Variants in CCZ1B observed in about 807,000 individuals in gnomAD.
CCZ1B encodes the protein CCZ1B vacuolar protein trafficking and biogenesis associated, also known as vacuolar fusion protein CCZ1 homolog B.
A neutral mutation model predicts 58.8 loss-of-function variants in CCZ1B; 25 were observed. That is an observed-to-expected ratio of 0.43 (90% CI 0.31 to 0.59). CCZ1B has a LOEUF of 0.59. Among genes scored for constraint, CCZ1B ranks in the 20% least tolerant of loss-of-function variants. CCZ1B has a pLI of 0.12. For synonymous variants in CCZ1B, 66 were observed against 173.2 expected, an observed-to-expected ratio of 0.38 and a Z score of 4.86; for missense variants, 180 against 501.5, an observed-to-expected ratio of 0.36 and a Z score of 6.12.
At chr7:6,804,115 C>T (rs1222141216) in intron 12 of CCZ1B, among the ~76,000 whole-genome samples, 2 of 151,044 alleles carry the variant, frequency 1.3e-5, no homozygotes, top group Admixed American at 1.3e-4. Flanking sequence ...TTTATAATAA[C>T]TATTTTATAT....
chr7:6,813,366 A>G (rs1782947405), intron 8 of CCZ1B, among the ~76,000 whole-genome samples: 2 of 149,268 alleles, frequency 1.3e-5, no homozygotes. Context: ...CAGGCAGATT[A>G]CTTGAGCCCA....
chr7:6,817,435 T>C (rs985220654), intron 7 of CCZ1B, among the ~76,000 whole-genome samples: 3 of 150,248 alleles, frequency 2.0e-5, no homozygotes, highest in African/African-American at 7.5e-5. Context: ...CCCTTCTCTT[T>C]TTGGTGGAAG....
rs1367661674 is a variant in CCZ1B, at chr7:6,799,395, C to A, written c.1394-116G>T. 2.1e-5 allele frequency: 10 copies of A among 468,258 alleles called. 1 individual carries two copies. Among genetic ancestry groups the A allele is most frequent in the Middle Eastern group, 5.8e-4 (1 of 1,718 alleles). The allele number at this position is 468,258 out of a possible 1,614,324, so 29.0% of individuals were successfully genotyped here. The stretch of plus-strand genomic sequence containing the variant: ...GAAGAGAGATTTGCATTGATTTTGA[C>A]CTTAAATCCCAGAAGACTAGGCAAG... On this transcript the variant is annotated intron_variant, in intron 14 of 14. Coordinates refer to ENST00000316731, the MANE Select transcript of CCZ1B (RefSeq NM_198097.5).
chr7:6,818,039 A>G (rs1262663227), intron 7 of CCZ1B, among the ~76,000 whole-genome samples: 3 of 149,232 alleles, frequency 2.0e-5, no homozygotes, highest in Admixed American at 6.6e-5. Flanking sequence ...TTTCACCTGA[A>G]ATTTGTGTTG....
chr7:6,824,821 C>T, intron 1 of CCZ1B, 84 bp from the exon 2 acceptor site: 2 of 1,437,664 alleles, frequency 1.4e-6, no homozygotes, highest in Middle Eastern at 1.9e-4. Flanking sequence ...ATGTCGACCT[C>T]TTGTGTCACA....
intron 7 of CCZ1B, among the ~76,000 whole-genome samples, chr7:6,819,207 C>G (rs1181405747): frequency 1.6e-5 from 2 of 127,806 alleles, no homozygotes; most frequent in Non-Finnish European, 1.6e-5. Flanking sequence ...AAAATAAAAA[C>G]AGGATTCCTA....
At position 6,824,109 on chromosome 7, in the gene CCZ1B, A is replaced by ATTCTT. The variant is rs1206186403; in HGVS notation, c.369_370insAAGAA (p.Tyr124LysfsTer32). ...ATTACCAACAACTCCTCCTCTTGAT[A>ATTCTT]TTCAATAACTGGTTTTCCATCTTTA... On this transcript the variant is annotated frameshift_variant, in exon 4 of 15. Transcript: ENST00000316731. LOFTEE classifies it high-confidence loss of function. 1 of 1,482,588 alleles carries ATTCTT rather than the reference A, an allele frequency of 6.7e-7. No individual in the cohort carries two copies. The highest frequency in any genetic ancestry group is 9.1e-7 in the Non-Finnish European group (1 of 1,101,612). 91.8% of individuals were successfully genotyped at this position (1,482,588 alleles called of 1,614,324 possible).
At chr7:6,817,036 T>G (rs1364115173) in intron 7 of CCZ1B, among the ~76,000 whole-genome samples, 1 of 152,306 alleles carries the variant, frequency 6.6e-6, no homozygotes, top group Non-Finnish European at 1.5e-5. Flanking sequence ...AGTGCTGGGA[T>G]GACAGGTGTA....
intron 8 of CCZ1B, among the ~76,000 whole-genome samples, chr7:6,813,597 C>G (rs1290281747): frequency 4.7e-5 from 7 of 149,124 alleles, no homozygotes; most frequent in African/African-American, 1.5e-4. Context: ...AATGAACAAG[C>G]GAAGAGAGTG....
At chr7:6,808,324 C>G (rs373662797) in intron 10 of CCZ1B, among the ~76,000 whole-genome samples, 11,636 of 89,960 alleles carry the variant, frequency 0.13, 293 homozygotes, top group Middle Eastern at 0.17. Context: ...ATGACCCCAA[C>G]GGGAGAGGAC....
At chr7:6,809,568 A>G (rs1371553664) in intron 10 of CCZ1B, among the ~76,000 whole-genome samples, 1 of 138,390 alleles carries the variant, frequency 7.2e-6, no homozygotes, top group Non-Finnish European at 1.5e-5. Flanking sequence ...TTCACTCGAT[A>G]CACAAACGGA....
intron 1 of CCZ1B, among the ~76,000 whole-genome samples, chr7:6,825,653 A>C (rs1335268234): frequency 8.3e-6 from 1 of 121,088 alleles, no homozygotes; most frequent in African/African-American, 3.4e-5. Context: ...ACACACACAC[A>C]CACACACACA....
chr7:6,822,220 T>C, intron 6 of CCZ1B, 61 bp downstream of exon 6: 2 of 1,557,890 alleles, frequency 1.3e-6, no homozygotes, highest in Non-Finnish European at 1.7e-6. Flanking sequence ...TGTCTGTCTA[T>C]ATTTCTCTAA....
At chr7:6,804,837 G>A in intron 12 of CCZ1B, 101 bp downstream of exon 12, 1 of 998,062 alleles carries the variant, frequency 1.0e-6, no homozygotes, top group South Asian at 2.2e-5. Context: ...CAGTCCACGA[G>A]AACACAGGAC....
intron 6 of CCZ1B, among the ~76,000 whole-genome samples, chr7:6,821,103 G>A (rs1783103102): frequency 6.8e-6 from 1 of 147,964 alleles, no homozygotes; most frequent in Admixed American, 6.7e-5. Flanking sequence ...CTGCCTCTGG[G>A]GTTCAAGCGA....
intron 6 of CCZ1B, among the ~76,000 whole-genome samples, chr7:6,821,668 G>A (rs1235991488): frequency 3.3e-5 from 5 of 151,670 alleles, no homozygotes; most frequent in South Asian, 4.2e-4. Flanking sequence ...AGGGAAGATC[G>A]CTTGAAACCA....
At chr7:6,824,375 C>T (rs1267848774) in intron 3 of CCZ1B, 80 bp downstream of exon 3, 5 of 1,461,092 alleles carry the variant, frequency 3.4e-6, no homozygotes, top group South Asian at 1.4e-5. Flanking sequence ...AGCCAGAGAA[C>T]TTTCCTAAAT....
Position 6,824,472 on chromosome 7 carries a change from T to C in CCZ1B, c.295A>G (p.Asn99Asp), listed in dbSNP as rs1783163628. The C allele has an allele frequency of 1.2e-6, 2 of 1,606,042 alleles. No homozygotes were observed. Among genetic ancestry groups the C allele is most frequent in the African/African-American group, 2.8e-5 (2 of 72,422 alleles). ...NRQFFNEPEE[N>D]FWMVMVVRNP... ...GTAAATACCATGACCATCCAGAAAT[T>C]TTCTTCTGGTTCATTGAAGAACTGT... The change falls in exon 3 of 15, where the codon AAT (asparagine) becomes GAT (aspartate). Residue 99 changes from asparagine to aspartate, a missense_variant. Transcript: ENST00000316731.
intron 6 of CCZ1B, among the ~76,000 whole-genome samples, chr7:6,820,344 AT>A (rs1339315671): frequency 6.7e-6 from 1 of 148,608 alleles, no homozygotes; most frequent in African/African-American, 2.5e-5. Flanking sequence ...ATGCCCAGCT[AT>A]TTTTTTCCAT....
Sources: gnomAD v4.1 joint callset for allele counts (sites outside exome capture counted in the v4.1 genomes callset) on GRCh38, gnomAD v4.1.1 for gene constraint, MANE v1.5 for transcripts, NCBI Gene and HGNC (gene_info 2026-07-23, HGNC 2026-07-21) for gene names.